GCLC: variants seen among roughly 807,000 people sequenced by gnomAD.
The protein encoded by GCLC is glutamate-cysteine ligase catalytic subunit.
A neutral mutation model predicts 81.5 loss-of-function variants in GCLC; 30 were observed. The ratio of observed to expected loss-of-function variants is 0.37; its 90% CI spans 0.28 to 0.50. The LOEUF is 0.50. Ranked by LOEUF, GCLC falls within the 20% of genes least tolerant of loss-of-function variation. The pLI is 0.96. For synonymous variants in GCLC, 262 were observed against 273.3 expected (o/e 0.96, Z 0.41); for missense variants, 556 against 777.4 (o/e 0.72, Z 3.39).
At chr6:53,535,323 T>C (rs1028479022) in intron 1 of GCLC, among the ~76,000 whole-genome samples, 2 of 152,226 alleles carry the variant, frequency 1.3e-5, no homozygotes, top group African/African-American at 4.8e-5. Context: ...AAGACCAGCC[T>C]GGCCAACATG....
Position 53,543,147 on chromosome 6 carries a change from A to G in GCLC, c.150+1349T>C, listed in dbSNP as rs540942669. ...ACCTGATGCCAACTACACCAGGCAC[A>G]AGGCTGGGCTCTAGGAAAACAGAGG... On this transcript the variant is annotated intron_variant, in intron 1 of 15. Coordinates refer to ENST00000650454, the MANE Select transcript of GCLC (RefSeq NM_001498.4). Among the ~76,000 whole-genome samples, 3 of 152,350 alleles carry G rather than the reference A, an allele frequency of 2.0e-5. No homozygotes were observed. In the South Asian group the frequency reaches 6.2e-4, roughly 32 times the overall value.
chr6:53,517,275 T>TC (rs1764898470), intron 3 of GCLC, among the ~76,000 whole-genome samples: 2 of 122,932 alleles, frequency 1.6e-5, no homozygotes, highest in African/African-American at 6.1e-5. Flanking sequence ...TTTTTTTTTT[T>TC]TTCCAGGGAC....
intron 1 of GCLC, among the ~76,000 whole-genome samples, chr6:53,527,227 G>A (rs766760605): frequency 7.2e-5 from 11 of 152,168 alleles, no homozygotes; most frequent in African/African-American, 1.4e-4. Context: ...TAGAGTATGC[G>A]TGCAGGGCAG....
chr6:53,500,588 C>A (rs1764492052), intron 12 of GCLC, 75 bp from the exon 13 acceptor site: 1 of 1,016,742 alleles, frequency 9.8e-7, no homozygotes, highest in Non-Finnish European at 1.6e-6. Context: ...CCTTCCTCAC[C>A]TTTGCAATTA....
At chr6:53,508,153 C>T (rs1394255049) in intron 8 of GCLC, among the ~76,000 whole-genome samples, 11 of 152,082 alleles carry the variant, frequency 7.2e-5, no homozygotes, top group Admixed American at 4.6e-4. Flanking sequence ...CAAAGATTTC[C>T]ATGGGTGGTT....
intron 1 of GCLC, among the ~76,000 whole-genome samples, chr6:53,535,533 A>C (rs1763243787): frequency 6.6e-6 from 1 of 152,202 alleles, no homozygotes. Flanking sequence ...ATAAAAAATA[A>C]AAAAAGAGAA....
chr6:53,520,049 T>A (rs1278758605), intron 3 of GCLC, among the ~76,000 whole-genome samples: 1 of 152,204 alleles, frequency 6.6e-6, no homozygotes, highest in Non-Finnish European at 1.5e-5. Context: ...ACTGTCACCA[T>A]CTGACAGACA....
chr6:53,524,076 G>C (rs985158017), intron 1 of GCLC: 1 of 152,150 alleles, frequency 6.6e-6, no homozygotes, highest in Non-Finnish European at 1.5e-5. Flanking sequence ...CAGAAAACTT[G>C]GTTGAGTCTC....
chr6:53,538,452 G>A (rs1045913496), intron 1 of GCLC, among the ~76,000 whole-genome samples: 5 of 151,476 alleles, frequency 3.3e-5, no homozygotes, highest in African/African-American at 1.2e-4. Context: ...TCAGCCTCCC[G>A]AGTAGCTGGG....
intron 12 of GCLC, among the ~76,000 whole-genome samples, chr6:53,504,804 C>A (rs1232290928): frequency 1.3e-5 from 2 of 152,170 alleles, no homozygotes; most frequent in African/African-American, 4.8e-5. Flanking sequence ...ACCAGGAACC[C>A]CTGCGGCAGG....
chr6:53,519,420 C>T (rs1191637057), intron 3 of GCLC, among the ~76,000 whole-genome samples: 1 of 151,698 alleles, frequency 6.6e-6, no homozygotes, highest in African/African-American at 2.4e-5. Flanking sequence ...CATCCCACCC[C>T]CTCCCCCTCC....
At chr6:53,512,555 G>A (rs1351287392) in intron 6 of GCLC, among the ~76,000 whole-genome samples, 1 of 152,022 alleles carries the variant, frequency 6.6e-6, no homozygotes, top group Non-Finnish European at 1.5e-5. Flanking sequence ...TATAAAGCAG[G>A]GATTTCGGTG....
chr6:53,500,487 C>T lies in GCLC; in HGVS notation c.1422G>A (p.Gln474=). The change falls in exon 13 of 16, where the codon CAG becomes CAA. Residue 474 remains glutamine (Q), a synonymous_variant. Transcript: ENST00000650454. The stretch of plus-strand genomic sequence containing the variant: ...TTCCCTGCAAGACAGCATCTCTTTT[C>T]TGTGCTACCTTCATGTTCTCATCAA... ...SKVDENMKVA[Q]KRDAVLQGMF... 1 of 1,611,526 alleles carries T rather than the reference C, an allele frequency of 6.2e-7. No homozygotes were observed. Among genetic ancestry groups the T allele is most frequent in the Non-Finnish European group, 8.5e-7 (1 of 1,177,822 alleles).
intron 2 of GCLC, 151 bp from the exon 3 acceptor site, chr6:53,521,111 C>T (rs188959985): frequency 2.0e-4 from 138 of 702,356 alleles, no homozygotes; most frequent in Middle Eastern, 1.2e-3. Context: ...TATTACTTTT[C>T]CATAGCTATT....
chr6:53,508,764 T>C (rs534958215), intron 7 of GCLC, 53 bp from the exon 8 acceptor site: 2 of 1,175,162 alleles, frequency 1.7e-6, no homozygotes. Flanking sequence ...ACTTACATGC[T>C]AAAAAAAGCT....
chr6:53,527,683 C>T (rs1486262517), intron 1 of GCLC, among the ~76,000 whole-genome samples: 1 of 152,186 alleles, frequency 6.6e-6, no homozygotes, highest in Non-Finnish European at 1.5e-5. Flanking sequence ...CCAAAGAGAG[C>T]TGTGCATATG....
At chr6:53,536,234 A>G (rs547686421) in intron 1 of GCLC, among the ~76,000 whole-genome samples, 2 of 152,380 alleles carry the variant, frequency 1.3e-5, no homozygotes, top group South Asian at 2.1e-4. Context: ...TCAAATGCAA[A>G]CTATGATTTC....
intron 11 of GCLC, 77 bp from the exon 12 acceptor site, chr6:53,505,573 G>T (rs988115896): frequency 3.6e-6 from 3 of 835,380 alleles, no homozygotes; most frequent in East Asian, 2.6e-5. Flanking sequence ...CCCTTCCTCA[G>T]ATCATGTCAT....
intron 1 of GCLC, among the ~76,000 whole-genome samples, chr6:53,530,417 C>A (rs141468349): frequency 1.0e-3 from 157 of 152,244 alleles, no homozygotes; most frequent in East Asian, 0.01. Flanking sequence ...TCCTTCCCTG[C>A]CATATTTGAA....
Sources: gnomAD v4.1 joint callset for allele counts (sites outside exome capture counted in the v4.1 genomes callset) on GRCh38, gnomAD v4.1.1 for gene constraint, MANE v1.5 for transcripts, NCBI Gene and HGNC (gene_info 2026-07-23, HGNC 2026-07-21) for gene names.